The following GALNTL6 variants were observed in gnomAD, a reference collection of about 807,000 sequenced individuals.
GALNTL6 encodes polypeptide N-acetylgalactosaminyltransferase like 6, also known as polypeptide N-acetylgalactosaminyltransferase-like 6.
GALNTL6 carries 46 observed loss-of-function variants against 73.7 expected under a neutral mutation model. That is an observed-to-expected ratio of 0.62 (90% CI 0.49 to 0.80). The LOEUF (loss-of-function observed/expected upper bound fraction) is 0.80, where lower values mean the gene tolerates loss of function less well. Among genes scored for constraint, GALNTL6 ranks in the 30% least tolerant of loss-of-function variants. GALNTL6 has a pLI of 0.00. For missense variants in GALNTL6, 604 were observed against 755.0 expected, an observed-to-expected ratio of 0.80 and a Z score of 2.34; for synonymous variants, 259 against 263.7, an observed-to-expected ratio of 0.98 and a Z score of 0.17.
intron 2 of GALNTL6, among the ~76,000 whole-genome samples, chr4:172,146,191 A>G (rs984937896): frequency 6.6e-6 from 1 of 152,098 alleles, no homozygotes; most frequent in Non-Finnish European, 1.5e-5. Context: ...AATAATCCTT[A>G]CTCCAAAATG....
At chr4:172,624,011 T>C (rs1739063060) in intron 5 of GALNTL6, among the ~76,000 whole-genome samples, 2 of 152,138 alleles carry the variant, frequency 1.3e-5, no homozygotes, top group Admixed American at 1.3e-4. Flanking sequence ...TTTAGGATAA[T>C]GTTTCCAAAA....
chr4:172,653,788 A>G (rs879536015), intron 5 of GALNTL6, among the ~76,000 whole-genome samples: 1 of 152,246 alleles, frequency 6.6e-6, no homozygotes, highest in Non-Finnish European at 1.5e-5. Flanking sequence ...GAGGTTGTAC[A>G]AATTATAATT....
At chr4:171,835,838 G>A (rs898182942) in intron 2 of GALNTL6, among the ~76,000 whole-genome samples, 1 of 151,842 alleles carries the variant, frequency 6.6e-6, no homozygotes, top group Non-Finnish European at 1.5e-5. Flanking sequence ...TACTATTAGT[G>A]TTCTCATTTT....
chr4:172,923,209 T>C (rs965062368), intron 8 of GALNTL6, among the ~76,000 whole-genome samples: 6 of 152,066 alleles, frequency 3.9e-5, no homozygotes, highest in Admixed American at 2.0e-4. Context: ...AGAGGTTTAA[T>C]GGACTTACGG....
In GALNTL6 at chr4:172,444,256, G is replaced by A. The variant is rs190276882; in HGVS notation, c.553+95567G>A. ...CTTTTATGCCTTAAGTGATCTAACGGTCTACATTCTACAAAGAAGGCAAAC... is the reference window on the plus strand; with the variant it reads ...CTTTTATGCCTTAAGTGATCTAACGATCTACATTCTACAAAGAAGGCAAAC... On this transcript the variant is annotated intron_variant, in intron 5 of 12. Coordinates refer to ENST00000506823, the MANE Select transcript of GALNTL6 (RefSeq NM_001034845.3). 1.1e-4 allele frequency among the ~76,000 whole-genome samples: 16 copies of A among 152,312 alleles called. No individual in the cohort carries two copies. In the East Asian group the frequency reaches 2.9e-3, roughly 28 times the overall value.
intron 2 of GALNTL6, among the ~76,000 whole-genome samples, chr4:172,189,723 A>G (rs1735517593): frequency 6.6e-6 from 1 of 152,176 alleles, no homozygotes; most frequent in Non-Finnish European, 1.5e-5. Flanking sequence ...TATATAAAAC[A>G]AAAATTTGCT....
At position 172,255,808 on chromosome 4, in the gene GALNTL6, A is replaced by G. The variant is rs1738055501; in HGVS notation, c.247+26044A>G. On this transcript the variant is annotated intron_variant, in intron 3 of 12. Transcript: ENST00000506823. ...ATATTTTATTTTCATACTAGAAATCATAAATATACTATATATGTATTTTAA... is the reference window on the plus strand; with the variant it reads ...ATATTTTATTTTCATACTAGAAATCGTAAATATACTATATATGTATTTTAA... Among the ~76,000 whole-genome samples, 5 of 151,490 alleles carry G rather than the reference A, an allele frequency of 3.3e-5. No homozygotes were observed. In the South Asian group the frequency reaches 1.0e-3, roughly 31 times the overall value.
At chr4:172,533,316 ATTTTTTTTTTTTT>A (rs34973148) in intron 5 of GALNTL6, among the ~76,000 whole-genome samples, 4 of 77,394 alleles carry the variant, frequency 5.2e-5, no homozygotes, top group East Asian at 4.2e-4. Flanking sequence ...CCCGGCCAGA[ATTTTTTTTTTTTT>A]TTTTTTTTTT....
intron 12 of GALNTL6, among the ~76,000 whole-genome samples, chr4:173,034,872 G>T (rs1470730405): frequency 6.6e-6 from 1 of 152,154 alleles, no homozygotes; most frequent in Non-Finnish European, 1.5e-5. Flanking sequence ...CTCCAGGAGG[G>T]CAGGGATTTT....
intron 7 of GALNTL6, among the ~76,000 whole-genome samples, chr4:172,815,591 A>G (rs758992769): frequency 3.3e-5 from 5 of 152,188 alleles, no homozygotes; most frequent in African/African-American, 9.7e-5. Context: ...CGTCAGAGGA[A>G]TCTGCAGTGG....
Position 172,120,479 on chromosome 4 carries a change from T to C in GALNTL6, c.139-109177T>C, listed in dbSNP as rs79484241. ...CTTTTTTTTCTCATATAACTTTCTT[T>C]TATAAGGACCCTTGGATAATTCAGA... On this transcript the variant is annotated intron_variant, in intron 2 of 12. Transcript: ENST00000506823. Among the ~76,000 whole-genome samples the C allele has an allele frequency of 5.2e-3, 793 of 152,242 alleles. 3 individuals are homozygous for C. The highest frequency in any genetic ancestry group is 7.1e-3 in the Non-Finnish European group (480 of 68,012).
At chr4:172,391,542 C>A (rs1229608924) in intron 5 of GALNTL6, among the ~76,000 whole-genome samples, 1 of 152,056 alleles carries the variant, frequency 6.6e-6, no homozygotes, top group East Asian at 1.9e-4. Flanking sequence ...ATTTCATTCA[C>A]AAGTGGAAGA....
intron 3 of GALNTL6, among the ~76,000 whole-genome samples, chr4:172,283,990 C>T (rs563215110): frequency 3.2e-4 from 48 of 152,132 alleles, no homozygotes; most frequent in Non-Finnish European, 2.5e-4. Flanking sequence ...TTAGTTCTTA[C>T]CAGCCCCTTT....
chr4:172,172,279 C>A (rs1040365761), intron 2 of GALNTL6, among the ~76,000 whole-genome samples: 2 of 152,126 alleles, frequency 1.3e-5, no homozygotes, highest in African/African-American at 4.8e-5. Flanking sequence ...CTCACTGCAA[C>A]CTCTGCCTCC....
At chr4:172,226,593 G>GTTTC (rs1427743514) in intron 2 of GALNTL6, among the ~76,000 whole-genome samples, 2 of 46,100 alleles carry the variant, frequency 4.3e-5, no homozygotes, top group African/African-American at 1.7e-4. Context: ...GTGTGTCTGT[G>GTTTC]TGTGTGTGTT....
intron 2 of GALNTL6, among the ~76,000 whole-genome samples, chr4:171,984,100 TG>T (rs1739995197): frequency 6.6e-6 from 1 of 152,014 alleles, no homozygotes; most frequent in South Asian, 2.1e-4. Context: ...ATGTCTCAGC[TG>T]GGATGCAGTG....
chr4:171,997,188 AACCTGGTAG>A (rs1329062966), intron 2 of GALNTL6, among the ~76,000 whole-genome samples: 1 of 152,124 alleles, frequency 6.6e-6, no homozygotes, highest in Non-Finnish European at 1.5e-5. Flanking sequence ...GAGAGTTTGC[AACCTGGTAG>A]AGCAAACCAT....
chr4:172,874,727 C>T (rs1195143118), intron 7 of GALNTL6, among the ~76,000 whole-genome samples: 5 of 152,126 alleles, frequency 3.3e-5, no homozygotes, highest in Non-Finnish European at 5.9e-5. Flanking sequence ...TAAGGAGAAC[C>T]TCAAGGTGAC....
chr4:172,142,088 T>G (rs1733818839), intron 2 of GALNTL6, among the ~76,000 whole-genome samples: 1 of 152,058 alleles, frequency 6.6e-6, no homozygotes, highest in African/African-American at 2.4e-5. Flanking sequence ...GATTTTCTTA[T>G]GGTCTCTGGT....
Sources: allele counts gnomAD v4.1 joint callset (sites outside exome capture counted in the v4.1 genomes callset), GRCh38; gene constraint gnomAD v4.1.1; transcripts MANE v1.5; gene names NCBI Gene and HGNC (gene_info 2026-07-23, HGNC 2026-07-21).